Variants in KCNK10 observed in about 807,000 individuals in gnomAD.
KCNK10 encodes potassium two pore domain channel subfamily K member 10.
KCNK10 carries 25 observed loss-of-function variants against 47.7 expected under a neutral mutation model. That is an observed-to-expected ratio of 0.52 (90% CI 0.38 to 0.73). The LOEUF is 0.73. Among genes scored for constraint, KCNK10 ranks in the 30% least tolerant of loss-of-function variants. The pLI, the probability that KCNK10 is intolerant of heterozygous loss-of-function variation, is 0.00. For missense variants in KCNK10, 563 were observed against 714.5 expected (o/e 0.79, Z 2.42); for synonymous variants, 303 against 285.6 (o/e 1.06, Z -0.61).
chr14:88,273,267 G>A (rs906936043), intron 1 of KCNK10, among the ~76,000 whole-genome samples: 2 of 152,154 alleles, frequency 1.3e-5, no homozygotes, highest in East Asian at 1.9e-4. Context: ...TGGGCTGGGC[G>A]TCAGCATCAG....
chr14:88,243,483 C>T (rs1886538055), intron 2 of KCNK10, among the ~76,000 whole-genome samples: 1 of 152,190 alleles, frequency 6.6e-6, no homozygotes, highest in Admixed American at 6.5e-5. Context: ...GCCTCCCCTA[C>T]TCCCATCTTC....
intron 4 of KCNK10, among the ~76,000 whole-genome samples, chr14:88,219,079 C>A (rs1017226007): frequency 6.6e-6 from 1 of 151,752 alleles, no homozygotes; most frequent in Non-Finnish European, 1.5e-5. Flanking sequence ...TGGATCCAGG[C>A]AAGTCACCTC....
chr14:88,270,899 C>T, intron 1 of KCNK10: 6 of 763,576 alleles, frequency 7.9e-6, no homozygotes, highest in Non-Finnish European at 1.5e-5. Flanking sequence ...AAAGTGCAGG[C>T]TCCATGCCTT....
rs193268899 is a variant in KCNK10, at chr14:88,252,130, G to A, written c.402+11072C>T. ...GGGTTTTGCCATGTTGCCCAGGCTG[G>A]TCTCAAACTCCTGAGCTCAAGTGAT... On this transcript the variant is annotated intron_variant, in intron 2 of 6. Coordinates refer to ENST00000319231, the MANE Select transcript of KCNK10 (RefSeq NM_138317.3). Among the ~76,000 whole-genome samples the A allele has an allele frequency of 3.8e-4, 57 of 151,992 alleles. 2 individuals carry two copies. In the East Asian group the frequency reaches 0.011, roughly 28 times the overall value.
At chr14:88,286,950 A>G (rs1268317459) in intron 1 of KCNK10, among the ~76,000 whole-genome samples, 1 of 152,222 alleles carries the variant, frequency 6.6e-6, no homozygotes, top group Non-Finnish European at 1.5e-5. Context: ...CGGAGAAAAT[A>G]AAATAGTAAC....
upstream of KCNK10, chr14:88,323,281 T>C: frequency 1.0e-6 from 1 of 985,256 alleles, no homozygotes; most frequent in South Asian, 4.7e-5. Flanking sequence ...GGCGGGCACG[T>C]CAGCCTCGCT....
intron 1 of KCNK10, among the ~76,000 whole-genome samples, chr14:88,289,835 GTGCCTGGCACAA>G (rs1887840625): frequency 6.6e-6 from 1 of 152,228 alleles, no homozygotes. Flanking sequence ...TTCACTTGAA[GTGCCTGGCACAA>G]TGCCTGGCAC....
chr14:88,185,884 AGGTTGTTGGGCC>A lies in KCNK10; in HGVS notation c.1271_1282del (p.Arg424_Asn427del). On this transcript the variant is annotated inframe_deletion, in exon 7 of 7. Coordinates refer to ENST00000319231, the MANE Select transcript of KCNK10 (RefSeq NM_138317.3). The surrounding 1 kb of genome is among the most constrained non-coding windows in gnomAD (Gnocchi z 4.3). ...CAGCTGCTCCGGCCCCTTCAGGCGC[AGGTTGTTGGGCC>A]GGTTGTTGATGCTCTCCTGGGATGA... The A allele has an allele frequency of 2.5e-6, 4 of 1,612,996 alleles. No individual in the cohort carries two copies. The highest frequency in any genetic ancestry group is 2.5e-6 in the Non-Finnish European group (3 of 1,179,656).
chr14:88,242,163 C>T (rs1202497658), intron 2 of KCNK10, among the ~76,000 whole-genome samples: 1 of 152,172 alleles, frequency 6.6e-6, no homozygotes, highest in Non-Finnish European at 1.5e-5. Flanking sequence ...AAGTAATGCC[C>T]ATTAAGCTTT....
chr14:88,282,916 G>A (rs1353131767), intron 1 of KCNK10, among the ~76,000 whole-genome samples: 2 of 152,134 alleles, frequency 1.3e-5, no homozygotes, highest in Non-Finnish European at 2.9e-5. Context: ...ATTCACAGTC[G>A]CATAGTGCAC....
At chr14:88,317,396 G>A (rs1325710395) in intron 1 of KCNK10, among the ~76,000 whole-genome samples, 2 of 152,182 alleles carry the variant, frequency 1.3e-5, no homozygotes, top group African/African-American at 4.8e-5. Flanking sequence ...GTCTTCACCT[G>A]AGCTCATAGA....
At chr14:88,209,808 G>A (rs777935068) in intron 4 of KCNK10, among the ~76,000 whole-genome samples, 4 of 152,174 alleles carry the variant, frequency 2.6e-5, no homozygotes, top group African/African-American at 9.7e-5. Context: ...CCTGGTTCGT[G>A]TCTCTCTCCT....
chr14:88,258,483 G>A (rs1887020585), intron 2 of KCNK10, among the ~76,000 whole-genome samples: 2 of 151,990 alleles, frequency 1.3e-5, no homozygotes, highest in African/African-American at 4.8e-5. Flanking sequence ...TAGAGACAGG[G>A]TTTCACCATG....
At chr14:88,296,218 A>C (rs946756006) in intron 1 of KCNK10, among the ~76,000 whole-genome samples, 3 of 152,206 alleles carry the variant, frequency 2.0e-5, no homozygotes, top group Non-Finnish European at 2.9e-5. Flanking sequence ...TGCATGGCAC[A>C]CTGGAAGTGG....
intron 4 of KCNK10, among the ~76,000 whole-genome samples, chr14:88,221,035 C>T (rs1404081137): frequency 6.6e-6 from 1 of 152,026 alleles, no homozygotes; most frequent in Non-Finnish European, 1.5e-5. Flanking sequence ...GGCACAGTGG[C>T]TCATGCCTGT....
rs1427286429 is a variant in KCNK10 at position 88,183,951 on chromosome 14, G to A, written c.*1584C>T. 6.6e-6 allele frequency: 1 copy of A among 152,350 alleles called. No homozygotes were observed. The highest frequency in any genetic ancestry group is 1.5e-5 in the Non-Finnish European group (1 of 68,034). The allele number at this position is 152,350 out of a possible 1,614,324, so 9.4% of individuals were successfully genotyped here. The stretch of plus-strand genomic sequence containing the variant: ...AATCCCGTGAACTCTGTAAAAGGTA[G>A]CAGTGAGCCTAGAACACCCATAACC... On this transcript the variant is annotated 3_prime_UTR_variant, in exon 7 of 7. Transcript: ENST00000319231.
In KCNK10 at chr14:88,239,271, T is replaced by C. The variant is rs192768504; in HGVS notation, c.520+1432A>G. 8.6e-5 allele frequency among the ~76,000 whole-genome samples: 13 copies of C among 151,840 alleles called. No homozygotes were observed. In the East Asian group the frequency reaches 2.3e-3, roughly 27 times the overall value. ...AAAGCACAATAAAGTGAGATACAAC[T>C]TATATAGAATGACACCATGAATAAG... On this transcript the variant is annotated intron_variant, in intron 3 of 6. Transcript: ENST00000319231.
intron 3 of KCNK10, among the ~76,000 whole-genome samples, chr14:88,234,836 T>C (rs115281468): frequency 0.015 from 2,255 of 152,286 alleles, 50 homozygotes; most frequent in African/African-American, 0.052. Context: ...AATCCAGAGA[T>C]TCCAGCATAT....
Position 88,263,682 on chromosome 14 carries a change from C to T in KCNK10, c.53-131G>A, listed in dbSNP as rs1364238733. 5 of 804,028 alleles carry T rather than the reference C, an allele frequency of 6.2e-6. No homozygotes were observed. The African/African-American group carries it at 8.7e-5, about 14-fold the overall frequency. The allele number at this position is 804,028 out of a possible 1,614,324, so 49.8% of individuals were successfully genotyped here. A position where few individuals can be genotyped will look rare whatever the true frequency, so the allele number is the denominator to read the frequency against. Reference sequence around the variant, plus strand: ...ATGTGAGGATGAAACGCTGGTTCACCAAGCCTGCAGTTAGGGAATTTGATC... The same window carrying T: ...ATGTGAGGATGAAACGCTGGTTCACTAAGCCTGCAGTTAGGGAATTTGATC... On this transcript the variant is annotated intron_variant, in intron 1 of 6. Coordinates refer to ENST00000319231, the MANE Select transcript of KCNK10 (RefSeq NM_138317.3).
Sources: allele counts gnomAD v4.1 joint callset (sites outside exome capture counted in the v4.1 genomes callset), GRCh38; gene constraint gnomAD v4.1.1; non-coding constraint Gnocchi (gnomAD v3.1); transcripts MANE v1.5; gene names NCBI Gene and HGNC (gene_info 2026-07-23, HGNC 2026-07-21).